Variants in UBE2J2 observed in about 807,000 individuals in gnomAD.
UBE2J2 encodes the protein ubiquitin conjugating enzyme E2 J2, also known as ubiquitin-conjugating enzyme E2 J2.
UBE2J2 carries 5 observed loss-of-function variants against 28.6 expected under a neutral mutation model. The observed-to-expected ratio is 0.17, with a 90% CI of 0.09 to 0.37. The LOEUF is 0.37. Ranked by LOEUF, UBE2J2 falls within the 10% of genes least tolerant of loss-of-function variation. UBE2J2 has a pLI of 1.00. For missense variants in UBE2J2, 226 were observed against 338.9 expected (o/e 0.67, Z 2.62); for synonymous variants, 138 against 139.7 (o/e 0.99, Z 0.09).
In UBE2J2 at chr1:1,268,070, C is replaced by A. The variant is rs1168272187; in HGVS notation, c.1-78G>T. Reference sequence around the variant, plus strand: ...CTCTCCCCTGGCGCAGCCCCACTCCCGCCTCTGCAGCCCGCCATTCATTCA... The same window carrying A: ...CTCTCCCCTGGCGCAGCCCCACTCCAGCCTCTGCAGCCCGCCATTCATTCA... On this transcript the variant is annotated intron_variant, in intron 1 of 6. Transcript: ENST00000349431. The surrounding 1 kb of genome is among the most constrained non-coding windows in gnomAD (Gnocchi z 4.7). The A allele has an allele frequency of 6.4e-7, 1 of 1,570,688 alleles. No homozygotes were observed.
chr1:1,255,406 C>T lies in UBE2J2; in HGVS notation c.577G>A (p.Gly193Arg), dbSNP rs147742881. 2.5e-5 allele frequency: 41 copies of T among 1,613,816 alleles called. No homozygotes were observed. The African/African-American group carries it at 2.8e-4, about 11-fold the overall frequency. Residue 193 changes from glycine to arginine, a missense_variant, in exon 7 of 7, where the codon GGG becomes AGG. This residue lies in a region of UBE2J2 where 133 missense variants were observed against 161.5 expected (regional missense o/e 0.82). Coordinates refer to ENST00000349431, the MANE Select transcript of UBE2J2 (RefSeq NM_058167.3). ...CCGTTCTGGACGAGGTGCGTCTCCC[C>T]GTCTGGAACCACGTCTGGCAAGGGG... ...TLPLPDVVPDGETHLVQNGIQ... is the reference protein window; with the variant it reads ...TLPLPDVVPDRETHLVQNGIQ...
At chr1:1,270,325 C>T (rs1054294325) in intron 1 of UBE2J2, among the ~76,000 whole-genome samples, 3 of 152,210 alleles carry the variant, frequency 2.0e-5, no homozygotes, top group African/African-American at 2.4e-5. Context: ...CCTCTCTAAC[C>T]GGTTTATTCC....
chr1:1,266,214 C>T, intron 2 of UBE2J2: 1 of 1,247,882 alleles, frequency 8.0e-7, no homozygotes, highest in Non-Finnish European at 1.1e-6. Flanking sequence ...GGCTGGGCCT[C>T]CTCTGTGAGC....
intron 3 of UBE2J2, among the ~76,000 whole-genome samples, chr1:1,260,838 C>A (rs1322179634): frequency 1.3e-5 from 2 of 152,250 alleles, no homozygotes; most frequent in Admixed American, 6.5e-5. Context: ...TTTGCCTTTG[C>A]ATGTAGCTTG....
Position 1,265,253 on chromosome 1 carries a change from C to T in UBE2J2, c.132-1867G>A, listed in dbSNP as rs562845160. On this transcript the variant is annotated intron_variant, in intron 2 of 6. Transcript: ENST00000349431. ...TCTCGGGGAAGGGAGAGACACCTGC[C>T]GAGGACCTGCCAGGGGCTCTCGCAC... Among the ~76,000 whole-genome samples the T allele has an allele frequency of 5.1e-4, 78 of 152,276 alleles. 1 individual carries two copies. The South Asian group carries it at 5.6e-3, about 11-fold the overall frequency.
intron 2 of UBE2J2, among the ~76,000 whole-genome samples, chr1:1,265,588 T>TGC (rs1334241637): frequency 1.8e-4 from 27 of 148,976 alleles, no homozygotes; most frequent in African/African-American, 6.7e-4. Flanking sequence ...TGTGTGTGTG[T>TGC]GTGTTTTCTC....
At chr1:1,270,772 T>A (rs987382896) in intron 1 of UBE2J2, among the ~76,000 whole-genome samples, 2 of 151,046 alleles carry the variant, frequency 1.3e-5, no homozygotes, top group Non-Finnish European at 2.9e-5. Flanking sequence ...CAAATAAACA[T>A]CAACACGTCC....
intron 2 of UBE2J2, 165 bp from the exon 3 acceptor site, chr1:1,263,551 C>A: frequency 1.5e-6 from 1 of 652,308 alleles, no homozygotes; most frequent in Non-Finnish European, 2.8e-6. Context: ...TTCAAAACCC[C>A]CGTCTCTTCT....
intron 1 of UBE2J2, among the ~76,000 whole-genome samples, chr1:1,269,743 C>T (rs887734140): frequency 2.6e-5 from 4 of 152,100 alleles, no homozygotes; most frequent in African/African-American, 9.7e-5. Context: ...GGATTACAGG[C>T]GTGAGTCCCC....
At position 1,255,164 on chromosome 1, in the gene UBE2J2, G is replaced by T. The variant is rs117043843; in HGVS notation, c.*39C>A. ...CTGCCGAGGTCACGCTCTGGTGCGC[G>T]GTGCCCTCAGTGGCGCCTTGGGTCT... On this transcript the variant is annotated 3_prime_UTR_variant, in exon 7 of 7. Transcript: ENST00000349431. The T allele has an allele frequency of 6.5e-7, 1 of 1,545,114 alleles. No individual in the cohort carries two copies. The highest frequency in any genetic ancestry group is 1.2e-5 in the South Asian group (1 of 80,704).
chr1:1,268,719 A>G lies in UBE2J2; in HGVS notation c.1-727T>C, dbSNP rs1640001921. Among the ~76,000 whole-genome samples the G allele has an allele frequency of 6.6e-6, 1 of 152,206 alleles. No individual in the cohort carries two copies. Among genetic ancestry groups the G allele is most frequent in the African/African-American group, 2.4e-5 (1 of 41,456 alleles). The stretch of plus-strand genomic sequence containing the variant: ...AGTTTATTTACTTATTTTTCGTGAG[A>G]CAGGGTCTTGCTCTGTCGCCCAGGC... On this transcript the variant is annotated intron_variant, in intron 1 of 6. Transcript: ENST00000349431. This position sits in a 1 kb window ranked among gnomAD's most constrained non-coding sequence, Gnocchi z 4.7.
intron 3 of UBE2J2, chr1:1,262,220 A>G (rs1018839498): frequency 4.7e-6 from 2 of 426,082 alleles, no homozygotes; most frequent in Non-Finnish European, 9.4e-6. Context: ...ACGCATCGTA[A>G]CAAGTACTTT....
chr1:1,263,538 G>A (rs767428980), intron 2 of UBE2J2, 152 bp from the exon 3 acceptor site: 27 of 705,700 alleles, frequency 3.8e-5, no homozygotes, highest in African/African-American at 1.8e-4. Flanking sequence ...ACAGCCACAC[G>A]GCTTCAAAAC....
At position 1,267,955 on chromosome 1, in the gene UBE2J2, G is replaced by C; in HGVS notation, c.38C>G (p.Ala13Gly). 6.2e-7 allele frequency: 1 copy of C among 1,614,068 alleles called. No individual in the cohort carries two copies. The highest frequency in any genetic ancestry group is 8.5e-7 in the Non-Finnish European group (1 of 1,179,980). Reference sequence around the variant, plus strand: ...GTAGTCCTGCTTCAGCCTCTGGGTTGCCGTGGTCGGAGCCCTCTTACTGCT... The same window carrying C: ...GTAGTCCTGCTTCAGCCTCTGGGTTCCCGTGGTCGGAGCCCTCTTACTGCT... Reference protein sequence around the residue: ...STSSKRAPTTATQRLKQDYLR... With the variant: ...STSSKRAPTTGTQRLKQDYLR... Residue 13 changes from alanine (A) to glycine (G), a missense_variant, in exon 2 of 7, where the codon GCA becomes GGA. By Grantham distance (60) the Ala-to-Gly change is moderately conservative. Around this residue, in one of 3 missense-constraint regions of UBE2J2, gnomAD observed 80 missense variants for 114.5 expected, o/e 0.70. Coordinates refer to ENST00000349431, the MANE Select transcript of UBE2J2 (RefSeq NM_058167.3).
intron 3 of UBE2J2, among the ~76,000 whole-genome samples, chr1:1,259,944 G>A (rs115283648): frequency 0.025 from 3,827 of 152,268 alleles, 168 homozygotes; most frequent in African/African-American, 0.087. Context: ...GTGGCCTCCC[G>A]CACGTGTTTC....
chr1:1,270,218 A>G (rs1164339135), intron 1 of UBE2J2, among the ~76,000 whole-genome samples: 1 of 152,166 alleles, frequency 6.6e-6, no homozygotes, highest in Admixed American at 6.5e-5. Flanking sequence ...TCTCGGGTAC[A>G]TCTTTATAGC....
chr1:1,266,798 G>C (rs1336699252), intron 2 of UBE2J2, among the ~76,000 whole-genome samples: 1 of 152,202 alleles, frequency 6.6e-6, no homozygotes, highest in African/African-American at 2.4e-5. Context: ...CTGCACTCCA[G>C]TCTGGGTGAC....
chr1:1,270,078 G>C (rs950749102), intron 1 of UBE2J2, among the ~76,000 whole-genome samples: 1 of 152,100 alleles, frequency 6.6e-6, no homozygotes, highest in Non-Finnish European at 1.5e-5. Context: ...GCTCTTGCCC[G>C]CTCTCTCTAG....
chr1:1,273,776 G>A lies in UBE2J2; in HGVS notation c.-111C>T, dbSNP rs985004832. 38 of 153,000 alleles carry A rather than the reference G, an allele frequency of 2.5e-4. No individual in the cohort carries two copies. In the East Asian group the frequency reaches 7.1e-3, roughly 28 times the overall value. The allele number at this position is 153,000 out of a possible 1,614,324, so 9.5% of individuals were successfully genotyped here. ...GCGCCCGAAACAGCCGCACCGCCCC[G>A]GGATTGGGCCCACCGAACCCGCCGC... On this transcript the variant is annotated 5_prime_UTR_variant, in exon 1 of 7. Coordinates refer to ENST00000349431, the MANE Select transcript of UBE2J2 (RefSeq NM_058167.3).
Sources: allele counts gnomAD v4.1 joint callset (sites outside exome capture counted in the v4.1 genomes callset), GRCh38; gene constraint gnomAD v4.1.1; regional missense constraint gnomAD v4.1.1; non-coding constraint Gnocchi (gnomAD v3.1); transcripts MANE v1.5; gene names NCBI Gene and HGNC (gene_info 2026-07-23, HGNC 2026-07-21).